Variants in LIPA observed in about 807,000 individuals in gnomAD.
LIPA encodes the protein lipase A, lysosomal acid type, also known as lysosomal acid lipase/cholesteryl ester hydrolase.
In LIPA, 26 loss-of-function variants were observed where a neutral mutation model predicts 40.6. The ratio of observed to expected loss-of-function variants is 0.64; its 90% CI spans 0.47 to 0.89. The LOEUF is 0.89. LIPA is among the 40% of genes least tolerant of loss of function. The pLI is 0.00. For synonymous variants in LIPA, 188 were observed against 168.4 expected, an observed-to-expected ratio of 1.12 and a Z score of -0.90; for missense variants, 455 against 479.6, an observed-to-expected ratio of 0.95 and a Z score of 0.48.
At chr10:89,246,592 G>C (rs1469914707) in intron 2 of LIPA, among the ~76,000 whole-genome samples, 1 of 152,138 alleles carries the variant, frequency 6.6e-6, no homozygotes, top group African/African-American at 2.4e-5. Flanking sequence ...ATTTCTCTGC[G>C]AGTCCCTAAG....
chr10:89,402,082 G>T (rs1844434112), intron 2 of LIPA, among the ~76,000 whole-genome samples: 1 of 152,100 alleles, frequency 6.6e-6, no homozygotes, highest in South Asian at 2.1e-4. Flanking sequence ...TACTTGGCTG[G>T]AAATTGCTCT....
intron 1 of LIPA, chr10:89,339,222 A>G (rs765699153): frequency 1.1e-5 from 17 of 1,614,128 alleles, no homozygotes; most frequent in Middle Eastern, 3.3e-4. Context: ...ACCCAGAGAA[A>G]CAGTTCTCTA....
At chr10:89,293,913 A>G (rs1409340548) in intron 1 of LIPA, among the ~76,000 whole-genome samples, 5 of 152,200 alleles carry the variant, frequency 3.3e-5, no homozygotes, top group Non-Finnish European at 7.4e-5. Flanking sequence ...TGGGAACTCA[A>G]TTCAGTCCAA....
intron 2 of LIPA, among the ~76,000 whole-genome samples, chr10:89,380,941 T>C (rs562553749): frequency 2.8e-4 from 43 of 152,302 alleles, no homozygotes; most frequent in African/African-American, 9.9e-4. Flanking sequence ...ATAATTCTCT[T>C]CTGGAACTTG....
intron 1 of LIPA, among the ~76,000 whole-genome samples, chr10:89,286,337 G>T (rs1359636025): frequency 2.0e-5 from 3 of 151,470 alleles, no homozygotes; most frequent in African/African-American, 7.3e-5. Flanking sequence ...TCCTCCCCAG[G>T]CTGCTCCTAG....
intron 2 of LIPA, among the ~76,000 whole-genome samples, chr10:89,398,230 T>G (rs1844373360): frequency 6.6e-6 from 1 of 151,914 alleles, no homozygotes; most frequent in African/African-American, 2.4e-5. Flanking sequence ...GGGCAAGGAG[T>G]AGGTACAAGG....
In LIPA at chr10:89,392,608, T is replaced by G. The variant is rs1844272311; in HGVS notation, c.61+20183A>C. On this transcript the variant is annotated intron_variant, in intron 2 of 8. Coordinates refer to the LIPA transcript ENST00000371837. ...TTTAGCTCCCTTATATAACACTGTC[T>G]TGGGGTTTAAACGTAACTGAAAATC... is the stretch of plus-strand genomic sequence containing the variant. 6 of 1,269,930 alleles carry G rather than the reference T, an allele frequency of 4.7e-6. No homozygotes were observed. In the South Asian group the frequency reaches 7.2e-5, roughly 15 times the overall value. 78.7% of individuals were successfully genotyped at this position (1,269,930 alleles called of 1,614,324 possible).
At chr10:89,378,142 T>TAAA in intron 2 of LIPA, 1 of 1,613,986 alleles carries the variant, frequency 6.2e-7, no homozygotes, top group Non-Finnish European at 8.5e-7. Context: ...CACCATGAGG[T>TAAA]AAAGTCTTTC....
chr10:89,248,673 C>A (rs1843071384), intron 1 of LIPA, among the ~76,000 whole-genome samples: 1 of 149,928 alleles, frequency 6.7e-6, no homozygotes, highest in East Asian at 1.9e-4. Flanking sequence ...TTAGTAGAGA[C>A]GGGGTTTCAC....
chr10:89,306,762 T>A, intron 1 of LIPA: 2 of 1,614,164 alleles, frequency 1.2e-6, no homozygotes, highest in Non-Finnish European at 1.7e-6. Context: ...GCGATTGAAC[T>A]GCTTAAAAAG....
chr10:89,366,988 T>C (rs1589623347), intron 2 of LIPA, among the ~76,000 whole-genome samples: 1 of 152,158 alleles, frequency 6.6e-6, no homozygotes, highest in South Asian at 2.1e-4. Flanking sequence ...TGGAATACTA[T>C]GCAGCCATAA....
intron 1 of LIPA, among the ~76,000 whole-genome samples, chr10:89,288,981 G>A (rs989654804): frequency 6.6e-6 from 1 of 152,246 alleles, no homozygotes; most frequent in African/African-American, 2.4e-5. Context: ...GGAAGCTGGA[G>A]TCATTCACTG....
At chr10:89,275,835 T>C (rs957948635) in intron 1 of LIPA, among the ~76,000 whole-genome samples, 6 of 152,356 alleles carry the variant, frequency 3.9e-5, no homozygotes, top group African/African-American at 1.4e-4. Context: ...ATTCCAGCTC[T>C]AGGGCTATCA....
At chr10:89,381,237 G>A (rs1277931456) in intron 2 of LIPA, among the ~76,000 whole-genome samples, 1 of 152,152 alleles carries the variant, frequency 6.6e-6, no homozygotes, top group African/African-American at 2.4e-5. Context: ...CCTGGGTAGT[G>A]TCTGTTCTCA....
intron 4 of LIPA, among the ~76,000 whole-genome samples, chr10:89,227,562 T>C (rs2133434555): frequency 6.6e-6 from 1 of 152,350 alleles, no homozygotes; most frequent in African/African-American, 2.4e-5. Context: ...CTTTCTCTAA[T>C]ACCTGGTACC....
rs1420689688 is a variant in LIPA, at chr10:89,214,147, TTTTTG to T, written c.*676_*680del. The T allele has an allele frequency of 5.3e-5, 8 of 152,340 alleles. No individual in the cohort carries two copies. Among genetic ancestry groups the T allele is most frequent in the East Asian group, 3.8e-4 (2 of 5,208 alleles). The allele number at this position is 152,340 out of a possible 1,614,324, so 9.4% of individuals were successfully genotyped here. A position where few individuals can be genotyped will look rare whatever the true frequency, so the allele number is the denominator to read the frequency against. ...TCAAAGCATTTAAAACATACTTTTG[TTTTTG>T]TTTTATCAGTGCAATTTGTTTTTGA... is the stretch of plus-strand genomic sequence containing the variant. On this transcript the variant is annotated 3_prime_UTR_variant, in exon 10 of 10. Transcript: ENST00000336233.
At chr10:89,387,906 T>A (rs1844221422) in intron 2 of LIPA, among the ~76,000 whole-genome samples, 1 of 152,060 alleles carries the variant, frequency 6.6e-6, no homozygotes, top group South Asian at 2.1e-4. Flanking sequence ...TGACCATGTA[T>A]AATAATAAAA....
chr10:89,291,305 C>G (rs1843373397), intron 1 of LIPA, among the ~76,000 whole-genome samples: 1 of 152,068 alleles, frequency 6.6e-6, no homozygotes, highest in Non-Finnish European at 1.5e-5. Context: ...ACATTCACAT[C>G]ATTTAAATAG....
intron 2 of LIPA, among the ~76,000 whole-genome samples, chr10:89,409,650 T>C (rs1841455418): frequency 6.6e-6 from 1 of 152,196 alleles, no homozygotes. Context: ...GACTTCCTCC[T>C]GGACACTGGT....
Sources: gnomAD v4.1 joint callset for allele counts (sites outside exome capture counted in the v4.1 genomes callset) on GRCh38, gnomAD v4.1.1 for gene constraint, MANE v1.5 for transcripts, NCBI Gene and HGNC (gene_info 2026-07-23, HGNC 2026-07-21) for gene names.